The following IL1RAPL1 variants were observed in gnomAD, a reference collection of about 807,000 sequenced individuals.
IL1RAPL1 encodes the protein interleukin-1 receptor accessory protein-like 1.
A neutral mutation model predicts 48.4 loss-of-function variants in IL1RAPL1; 3 were observed. The observed-to-expected ratio is 0.06, with a 90% CI of 0.03 to 0.16. The LOEUF (loss-of-function observed/expected upper bound fraction) is 0.16, where lower values mean the gene tolerates loss of function less well. Ranked by LOEUF, IL1RAPL1 falls within the 10% of genes least tolerant of loss-of-function variation. The pLI is 1.00. For missense variants in IL1RAPL1, 349 were observed against 530.6 expected, an observed-to-expected ratio of 0.66 and a Z score of 3.36; for synonymous variants, 185 against 187.7, an observed-to-expected ratio of 0.99 and a Z score of 0.12.
intron 2 of IL1RAPL1, among the ~76,000 whole-genome samples, chrX:28,807,497 A>G (rs1030126674): frequency 1.8e-5 from 2 of 111,804 alleles, no homozygotes; most frequent in African/African-American, 6.5e-5. Flanking sequence ...GATGCCTTAC[A>G]TAGAAACTTG....
Position 29,514,891 on chromosome X carries a change from C to A in IL1RAPL1, c.703+115583C>A, listed in dbSNP as rs758048897. 2.7e-5 allele frequency among the ~76,000 whole-genome samples: 3 copies of A among 112,679 alleles called. No homozygotes were observed. In the East Asian group the frequency reaches 8.3e-4, roughly 31 times the overall value. ...AATCAAGTTGTTGAGCTTAACTGAACTTCTTTAATGCCATAACCTTGATAT... is the reference window on the plus strand; with the variant it reads ...AATCAAGTTGTTGAGCTTAACTGAAATTCTTTAATGCCATAACCTTGATAT... On this transcript the variant is annotated intron_variant, in intron 5 of 10. Coordinates refer to ENST00000378993, the MANE Select transcript of IL1RAPL1 (RefSeq NM_014271.4).
intron 6 of IL1RAPL1, among the ~76,000 whole-genome samples, chrX:29,686,538 T>G (rs1409482486): frequency 1.3e-5 from 1 of 78,496 alleles, no homozygotes; most frequent in Non-Finnish European, 2.2e-5. Context: ...CCTAAAGATT[T>G]ATTTATTTAT....
At chrX:29,569,923 T>C (rs769142963) in intron 5 of IL1RAPL1, among the ~76,000 whole-genome samples, 1 of 112,098 alleles carries the variant, frequency 8.9e-6, no homozygotes, top group African/African-American at 3.2e-5. Flanking sequence ...ATTTAGAACC[T>C]GTTAGCCTAA....
At chrX:29,837,639 C>T (rs943729644) in intron 6 of IL1RAPL1, among the ~76,000 whole-genome samples, 1 of 111,441 alleles carries the variant, frequency 9.0e-6, no homozygotes, top group African/African-American at 3.3e-5. Flanking sequence ...TATTCTAAAA[C>T]AGAACCTAAC....
At chrX:29,830,213 A>G (rs1215343852) in intron 6 of IL1RAPL1, among the ~76,000 whole-genome samples, 1 of 111,863 alleles carries the variant, frequency 8.9e-6, no homozygotes, top group East Asian at 2.8e-4. Flanking sequence ...CTAAACTAGA[A>G]TAGTTGGCAC....
At position 29,873,143 on chromosome X, in the gene IL1RAPL1, C is replaced by A. The variant is rs921925687; in HGVS notation, c.779-44321C>A. Among the ~76,000 whole-genome samples the A allele has an allele frequency of 1.3e-4, 14 of 111,443 alleles. 1 individual carries two copies. Among genetic ancestry groups the A allele is most frequent in the Non-Finnish European group, 1.9e-5 (1 of 53,114 alleles). On this transcript the variant is annotated intron_variant, in intron 6 of 10. Transcript: ENST00000378993. ...AATAAAACATAGCAGGTCTCCCACT[C>A]CATGTCATTGACTGACATAACCCAC... is the stretch of plus-strand genomic sequence containing the variant.
chrX:28,682,901 A>C (rs1287945493), intron 1 of IL1RAPL1, among the ~76,000 whole-genome samples: 1 of 111,896 alleles, frequency 8.9e-6, no homozygotes, highest in East Asian at 2.8e-4. Flanking sequence ...GGCTATTGAT[A>C]TATGCGATTT....
rs1181997046 is a variant in IL1RAPL1, at chrX:29,503,492, A to G, written c.703+104184A>G. On this transcript the variant is annotated intron_variant, in intron 5 of 10. Coordinates refer to ENST00000378993, the MANE Select transcript of IL1RAPL1 (RefSeq NM_014271.4). ...TTTTTTGATATAGGCACTTATTACT[A>G]TGAACTTTGCTAGTAGTACTGCTTT... Among the ~76,000 whole-genome samples the G allele has an allele frequency of 2.7e-5, 3 of 111,675 alleles. No individual in the cohort carries two copies. The East Asian group carries it at 8.3e-4, about 31-fold the overall frequency.
At chrX:29,855,534 A>G (rs1363148300) in intron 6 of IL1RAPL1, among the ~76,000 whole-genome samples, 1 of 111,656 alleles carries the variant, frequency 9.0e-6, no homozygotes, top group African/African-American at 3.2e-5. Flanking sequence ...AAGCCCATCT[A>G]CCAACATTCT....
At position 29,043,583 on chromosome X, in the gene IL1RAPL1, A is replaced by G. The variant is rs377675293; in HGVS notation, c.83-239355A>G. On this transcript the variant is annotated intron_variant, in intron 2 of 10. Coordinates refer to ENST00000378993, the MANE Select transcript of IL1RAPL1 (RefSeq NM_014271.4). ...CTGTTATAAAAATATTTCCCCCTAC[A>G]TGGCATGTCTTCATTTGGGCATGAA... Among the ~76,000 whole-genome samples the G allele has an allele frequency of 1.5e-4, 17 of 110,997 alleles. No individual in the cohort carries two copies. In the East Asian group the frequency reaches 1.7e-3, roughly 11 times the overall value.
At chrX:29,707,299 C>T (rs1212196998) in intron 6 of IL1RAPL1, among the ~76,000 whole-genome samples, 2 of 111,259 alleles carry the variant, frequency 1.8e-5, no homozygotes, top group African/African-American at 6.5e-5. Flanking sequence ...TAGTTGTTGG[C>T]ATTGATATGG....
chrX:29,750,338 A>G (rs1047793561), intron 6 of IL1RAPL1, among the ~76,000 whole-genome samples: 2 of 112,037 alleles, frequency 1.8e-5, no homozygotes, highest in African/African-American at 6.5e-5. Flanking sequence ...TTTTCACTTT[A>G]CATATCAAGA....
At chrX:28,820,653 G>A (rs770466808) in intron 2 of IL1RAPL1, among the ~76,000 whole-genome samples, 56 of 111,492 alleles carry the variant, frequency 5.0e-4, no homozygotes, top group African/African-American at 1.6e-3. Context: ...CATAACCAAT[G>A]GAAAAACTGA....
chrX:28,947,862 C>T (rs753526163), intron 2 of IL1RAPL1, among the ~76,000 whole-genome samples: 4 of 111,393 alleles, frequency 3.6e-5, no homozygotes, highest in East Asian at 2.9e-4. Context: ...CTGAAAGCTT[C>T]GAGAAATGTA....
intron 1 of IL1RAPL1, among the ~76,000 whole-genome samples, chrX:28,692,857 A>C (rs1178638548): frequency 9.0e-6 from 1 of 111,403 alleles, no homozygotes; most frequent in Non-Finnish European, 1.9e-5. Context: ...TTCTTTTTTT[A>C]CCTGTATACT....
chrX:28,819,183 A>G (rs1044872214), intron 2 of IL1RAPL1, among the ~76,000 whole-genome samples: 1 of 110,907 alleles, frequency 9.0e-6, no homozygotes, highest in Non-Finnish European at 1.9e-5. Flanking sequence ...ATAATGAATT[A>G]TTCCCTTAAA....
At chrX:29,387,935 G>A (rs933177905) in intron 3 of IL1RAPL1, among the ~76,000 whole-genome samples, 80 of 107,822 alleles carry the variant, frequency 7.4e-4, no homozygotes, top group African/African-American at 2.6e-3. Flanking sequence ...GAAGTTTGCA[G>A]TGAGCCGAAA....
intron 2 of IL1RAPL1, among the ~76,000 whole-genome samples, chrX:29,079,492 T>C (rs1927754559): frequency 1.8e-5 from 2 of 110,065 alleles, no homozygotes; most frequent in Admixed American, 2.0e-4. Context: ...CTAGGTGTTA[T>C]AATAGAAAGA....
intron 6 of IL1RAPL1, among the ~76,000 whole-genome samples, chrX:29,894,699 T>A (rs1477744681): frequency 8.9e-6 from 1 of 112,220 alleles, no homozygotes; most frequent in Non-Finnish European, 1.9e-5. Flanking sequence ...TATCATATTT[T>A]AACCAGATCA....
Sources: gnomAD v4.1 joint callset for allele counts (sites outside exome capture counted in the v4.1 genomes callset) on GRCh38, gnomAD v4.1.1 for gene constraint, MANE v1.5 for transcripts, NCBI Gene and HGNC (gene_info 2026-07-23, HGNC 2026-07-21) for gene names.